The following MYO6 variants were observed in gnomAD, a reference collection of about 807,000 sequenced individuals.
The protein encoded by MYO6 is unconventional myosin-VI.
In MYO6, 74 loss-of-function variants were observed where a neutral mutation model predicts 178.7. The observed-to-expected ratio is 0.41, with a 90% CI of 0.34 to 0.50. MYO6 has a LOEUF of 0.50. Ranked by LOEUF, MYO6 falls within the 20% of genes least tolerant of loss-of-function variation. MYO6 has a pLI of 0.09. For synonymous variants in MYO6, 477 were observed against 504.6 expected, an observed-to-expected ratio of 0.95 and a Z score of 0.73; for missense variants, 1,330 against 1,547.4, an observed-to-expected ratio of 0.86 and a Z score of 2.36.
At chr6:75,795,486 C>G (rs1320952046) in intron 1 of MYO6, among the ~76,000 whole-genome samples, 2 of 152,028 alleles carry the variant, frequency 1.3e-5, no homozygotes, top group Non-Finnish European at 2.9e-5. Flanking sequence ...TTTTTAAGTG[C>G]CTTGACAAAA....
intron 3 of MYO6, among the ~76,000 whole-genome samples, chr6:75,824,332 C>G (rs938643496): frequency 6.6e-6 from 1 of 152,234 alleles, no homozygotes; most frequent in Admixed American, 6.5e-5. Context: ...TGGGTGTTAA[C>G]TATTCTCATA....
At position 75,892,674 on chromosome 6, in the gene MYO6, G is replaced by A. The variant is rs61739689; in HGVS notation, c.3091G>A (p.Asp1031Asn). The change falls in exon 28 of 35, where the codon GAC becomes AAC. Residue 1031 changes from aspartate (D) to asparagine (N), a missense_variant. Asp to Asn is a conservative substitution (Grantham distance 23). Transcript: ENST00000369977. ...AELISDEAQADLALRRNDGTR... is the reference protein window; with the variant it reads ...AELISDEAQANLALRRNDGTR... ...GCTCATCAGTGATGAGGCCCAGGCC[G>A]ACCTGGCGCTGCGGAGGTACTGGGG... is the stretch of plus-strand genomic sequence containing the variant. 29 of 1,612,298 alleles carry A rather than the reference G, an allele frequency of 1.8e-5. No homozygotes were observed. Among genetic ancestry groups the A allele is most frequent in the East Asian group, 2.2e-5 (1 of 44,896 alleles).
intron 1 of MYO6, among the ~76,000 whole-genome samples, chr6:75,781,209 GACTAAC>G (rs1766945668): frequency 6.6e-6 from 1 of 152,162 alleles, no homozygotes; most frequent in Admixed American, 6.5e-5. Flanking sequence ...AGCAGAGAGA[GACTAAC>G]ACTATGTAAA....
chr6:75,761,753 G>A (rs1287927141), intron 1 of MYO6, among the ~76,000 whole-genome samples: 1 of 150,620 alleles, frequency 6.6e-6, no homozygotes, highest in African/African-American at 2.5e-5. Context: ...CTAGGATTCT[G>A]CTATTTGGTA....
chr6:75,885,648 G>A (rs182142583), intron 23 of MYO6, among the ~76,000 whole-genome samples: 54 of 152,108 alleles, frequency 3.6e-4, no homozygotes, highest in East Asian at 1.4e-3. Context: ...GGGTTTCACC[G>A]TGTTAGCCAG....
At chr6:75,837,535 C>G (rs1773767507) in intron 7 of MYO6, among the ~76,000 whole-genome samples, 1 of 152,130 alleles carries the variant, frequency 6.6e-6, no homozygotes, top group South Asian at 2.1e-4. Context: ...CTCTTGACAT[C>G]TTAAAGAAAA....
chr6:75,785,466 T>G (rs1366221206), intron 1 of MYO6, among the ~76,000 whole-genome samples: 1 of 139,330 alleles, frequency 7.2e-6, no homozygotes, highest in Non-Finnish European at 1.5e-5. Context: ...TTTTGGTCTT[T>G]TCTTTTCTTT....
chr6:75,752,927 ATTAT>A (rs1254159903), intron 1 of MYO6, among the ~76,000 whole-genome samples: 7 of 152,234 alleles, frequency 4.6e-5, no homozygotes, highest in African/African-American at 7.2e-5. Context: ...GAAAAAGATA[ATTAT>A]TTATGCAGTA....
At chr6:75,854,913 C>T (rs1294741744) in intron 11 of MYO6, among the ~76,000 whole-genome samples, 1 of 152,046 alleles carries the variant, frequency 6.6e-6, no homozygotes, top group Non-Finnish European at 1.5e-5. Context: ...TATTGATGTG[C>T]TTAAAGGATT....
chr6:75,915,216 G>T lies in MYO6; in HGVS notation c.*204G>T, dbSNP rs1026868014. 7 of 595,258 alleles carry T rather than the reference G, an allele frequency of 1.2e-5. No individual in the cohort carries two copies. The highest frequency in any genetic ancestry group is 1.1e-4 in the African/African-American group (6 of 53,734). The allele number at this position is 595,258 out of a possible 1,614,324, so 36.9% of individuals were successfully genotyped here. Reference sequence around the variant, plus strand: ...CCTAAACATTATTTTTCTGTATCCCGCTGTAATTCCCAAAACTCTCATTAT... The same window carrying T: ...CCTAAACATTATTTTTCTGTATCCCTCTGTAATTCCCAAAACTCTCATTAT... On this transcript the variant is annotated 3_prime_UTR_variant, in exon 35 of 35. Transcript: ENST00000369977.
At chr6:75,871,505 C>G (rs369704116) in intron 19 of MYO6, among the ~76,000 whole-genome samples, 6 of 152,316 alleles carry the variant, frequency 3.9e-5, no homozygotes, top group African/African-American at 1.2e-4. Context: ...CTGACTTGGC[C>G]TCTCAAAGTG....
At chr6:75,881,639 T>C (rs1264937743) in intron 22 of MYO6, 50 bp from the exon 23 acceptor site, 3 of 1,566,666 alleles carry the variant, frequency 1.9e-6, no homozygotes, top group Admixed American at 1.7e-5. Context: ...CTTTATGTGT[T>C]CAAATGCATT....
Position 75,915,306 on chromosome 6 carries a change from A to G in MYO6, c.*294A>G, listed in dbSNP as rs1781062747. 2 of 430,636 alleles carry G rather than the reference A, an allele frequency of 4.6e-6. No homozygotes were observed. The highest frequency in any genetic ancestry group is 2.0e-5 in the African/African-American group (1 of 50,078). The allele number at this position is 430,636 out of a possible 1,614,324, so 26.7% of individuals were successfully genotyped here. On this transcript the variant is annotated 3_prime_UTR_variant, in exon 35 of 35. Transcript: ENST00000369977. ...ATCCTTTGCCAGAAGACTACCTTACATCCATCGTAATTGTTCTCTAGGAAA... is the reference window on the plus strand; with the variant it reads ...ATCCTTTGCCAGAAGACTACCTTACGTCCATCGTAATTGTTCTCTAGGAAA...
intron 1 of MYO6, chr6:75,768,219 G>T (rs1778602369): frequency 6.6e-6 from 1 of 152,002 alleles, no homozygotes; most frequent in Non-Finnish European, 1.5e-5. Flanking sequence ...TTTACCTGTA[G>T]TTTTAGAATA....
At chr6:75,844,841 G>C in intron 9 of MYO6, 56 bp from the exon 10 acceptor site, 1 of 1,402,320 alleles carries the variant, frequency 7.1e-7, no homozygotes, top group Non-Finnish European at 1.0e-6. Context: ...GTTTTCTCCT[G>C]TATTATTTCC....
intron 1 of MYO6, among the ~76,000 whole-genome samples, chr6:75,794,186 A>C (rs1047170864): frequency 6.6e-6 from 1 of 152,238 alleles, no homozygotes; most frequent in South Asian, 2.1e-4. Flanking sequence ...TAAGAGTGGC[A>C]ATCTTATAGA....
In MYO6 at chr6:75,907,638, T is replaced by C; in HGVS notation, c.3210T>C (p.Ala1070=). Residue 1070 remains alanine, a synonymous_variant, in exon 31 of 35, where the codon GCT becomes GCC. Transcript: ENST00000369977. ...GPAVLATKAA[A]GTKKYDLSKW... The stretch of plus-strand genomic sequence containing the variant: ...CTGTACTAGCCACCAAAGCAGCTGC[T>C]GGTACTAAGAAATATGATCTTAGTA... The C allele has an allele frequency of 6.2e-7, 1 of 1,613,824 alleles. No homozygotes were observed. Among genetic ancestry groups the C allele is most frequent in the Non-Finnish European group, 8.5e-7 (1 of 1,179,874 alleles).
intron 18 of MYO6, among the ~76,000 whole-genome samples, chr6:75,869,220 ACT>A (rs1422090842): frequency 6.6e-6 from 1 of 151,340 alleles, no homozygotes; most frequent in South Asian, 2.1e-4. Flanking sequence ...GGTTGTCAGA[ACT>A]CTGTCAGTGA....
At chr6:75,861,779 A>G (rs1236703051) in intron 15 of MYO6, among the ~76,000 whole-genome samples, 1 of 152,208 alleles carries the variant, frequency 6.6e-6, no homozygotes, top group East Asian at 1.9e-4. Context: ...ACATCAGTAT[A>G]AATTTTCAAA....
Sources: gnomAD v4.1 joint callset for allele counts (sites outside exome capture counted in the v4.1 genomes callset) on GRCh38, gnomAD v4.1.1 for gene constraint, MANE v1.5 for transcripts, NCBI Gene and HGNC (gene_info 2026-07-23, HGNC 2026-07-21) for gene names.